CACNG2: variants seen among roughly 807,000 people sequenced by gnomAD.
The protein encoded by CACNG2 is calcium voltage-gated channel auxiliary subunit gamma 2, also known as voltage-dependent calcium channel gamma-2 subunit.
In CACNG2, 3 loss-of-function variants were observed where a neutral mutation model predicts 25.9. The ratio of observed to expected loss-of-function variants is 0.12; its 90% CI spans 0.05 to 0.30. CACNG2 has a LOEUF of 0.30. CACNG2 is among the 10% of genes least tolerant of loss of function. The pLI, the probability that CACNG2 is intolerant of heterozygous loss-of-function variation, is 1.00. For missense variants in CACNG2, 341 were observed against 432.5 expected, an observed-to-expected ratio of 0.79 and a Z score of 1.88; for synonymous variants, 167 against 173.3, an observed-to-expected ratio of 0.96 and a Z score of 0.29.
chr22:36,620,412 A>G (rs1254507596), intron 1 of CACNG2, among the ~76,000 whole-genome samples: 2 of 152,362 alleles, frequency 1.3e-5, no homozygotes, highest in African/African-American at 2.4e-5. Flanking sequence ...ATGTGTTCAC[A>G]TGGATGCATT....
At chr22:36,696,677 G>A (rs755325398) in intron 1 of CACNG2, among the ~76,000 whole-genome samples, 29 of 152,296 alleles carry the variant, frequency 1.9e-4, no homozygotes, top group East Asian at 5.8e-4. Context: ...AGGACAGAGC[G>A]TGCTACAAGG....
intron 1 of CACNG2, among the ~76,000 whole-genome samples, chr22:36,701,144 G>C (rs994215344): frequency 6.6e-6 from 1 of 152,052 alleles, no homozygotes; most frequent in South Asian, 2.1e-4. Context: ...CTTGCTTCCC[G>C]ACGCTGCCTC....
At chr22:36,646,169 T>C (rs1936521036) in intron 1 of CACNG2, among the ~76,000 whole-genome samples, 3 of 152,234 alleles carry the variant, frequency 2.0e-5, no homozygotes, top group African/African-American at 7.2e-5. Context: ...CTTTCCATGG[T>C]TATATATGTA....
chr22:36,582,414 T>C (rs1289439368), intron 2 of CACNG2, among the ~76,000 whole-genome samples: 3 of 151,448 alleles, frequency 2.0e-5, no homozygotes, highest in African/African-American at 7.3e-5. Flanking sequence ...TTCTTTCTTT[T>C]TTTTTTTTGA....
intron 2 of CACNG2, among the ~76,000 whole-genome samples, chr22:36,577,972 C>A (rs1935352792): frequency 6.6e-6 from 1 of 151,888 alleles, no homozygotes; most frequent in South Asian, 2.1e-4. Flanking sequence ...GGTGCAGTCC[C>A]AGAAAGTGTG....
intron 1 of CACNG2, among the ~76,000 whole-genome samples, chr22:36,647,839 C>T (rs1271592956): frequency 6.6e-6 from 1 of 151,712 alleles, no homozygotes; most frequent in Admixed American, 6.5e-5. Flanking sequence ...GTTTTTCCTT[C>T]ACAGTGCGTA....
At chr22:36,676,580 T>C (rs1417418933) in intron 1 of CACNG2, among the ~76,000 whole-genome samples, 2 of 152,200 alleles carry the variant, frequency 1.3e-5, no homozygotes, top group Non-Finnish European at 2.9e-5. Context: ...AGCCCAGGGC[T>C]TGGAACCTCA....
At chr22:36,653,713 G>A (rs919015416) in intron 1 of CACNG2, among the ~76,000 whole-genome samples, 2 of 152,068 alleles carry the variant, frequency 1.3e-5, no homozygotes, top group African/African-American at 4.8e-5. Flanking sequence ...TGGAATCTCT[G>A]GGAACCCTGG....
At chr22:36,700,975 T>C (rs926230696) in intron 1 of CACNG2, among the ~76,000 whole-genome samples, 3 of 152,092 alleles carry the variant, frequency 2.0e-5, no homozygotes, top group African/African-American at 4.8e-5. Flanking sequence ...CCAGATGTAA[T>C]CATTTCCGAA....
At chr22:36,698,304 G>A (rs920996175) in intron 1 of CACNG2, among the ~76,000 whole-genome samples, 7 of 151,920 alleles carry the variant, frequency 4.6e-5, no homozygotes, top group South Asian at 2.1e-4. Flanking sequence ...TTTCTTATGC[G>A]CTTCCTGTGT....
At chr22:36,686,063 C>A (rs1238631469) in intron 1 of CACNG2, among the ~76,000 whole-genome samples, 1 of 152,186 alleles carries the variant, frequency 6.6e-6, no homozygotes, top group East Asian at 1.9e-4. Context: ...CAGAGAAGCA[C>A]AAGGAAGTGT....
At chr22:36,683,067 G>T (rs951871876) in intron 1 of CACNG2, among the ~76,000 whole-genome samples, 1 of 152,310 alleles carries the variant, frequency 6.6e-6, no homozygotes, top group African/African-American at 2.4e-5. Flanking sequence ...GCCCTCCAAA[G>T]GGTAAGTGCA....
At chr22:36,670,232 T>A (rs1936929510) in intron 1 of CACNG2, among the ~76,000 whole-genome samples, 1 of 152,170 alleles carries the variant, frequency 6.6e-6, no homozygotes, top group African/African-American at 2.4e-5. Flanking sequence ...AGGGCAAATA[T>A]GAAAAGAGAA....
intron 2 of CACNG2, among the ~76,000 whole-genome samples, chr22:36,574,337 T>A (rs1239068647): frequency 6.6e-6 from 1 of 151,844 alleles, no homozygotes; most frequent in Non-Finnish European, 1.5e-5. Context: ...GTCTGAGAGA[T>A]GTTTAGGAGG....
chr22:36,618,169 T>C (rs1035464336), intron 1 of CACNG2, among the ~76,000 whole-genome samples: 4 of 152,190 alleles, frequency 2.6e-5, no homozygotes, highest in African/African-American at 9.7e-5. Context: ...CTTTGCTCCA[T>C]TGGGTTTTGG....
intron 1 of CACNG2, among the ~76,000 whole-genome samples, chr22:36,677,297 T>C (rs369123545): frequency 1.5e-4 from 23 of 152,168 alleles, no homozygotes; most frequent in African/African-American, 5.3e-4. Flanking sequence ...GAAAGTATAT[T>C]TATCCCCATC....
intron 1 of CACNG2, among the ~76,000 whole-genome samples, chr22:36,679,155 TTCCTTC>T (rs1937054737): frequency 1.1e-5 from 1 of 94,338 alleles, no homozygotes; most frequent in African/African-American, 4.5e-5. Flanking sequence ...CCTTCCTTCC[TTCCTTC>T]CTTCCTTCCT....
At chr22:36,692,105 G>A (rs1937273936) in intron 1 of CACNG2, among the ~76,000 whole-genome samples, 2 of 152,206 alleles carry the variant, frequency 1.3e-5, no homozygotes, top group Admixed American at 6.5e-5. Flanking sequence ...GTCAGCAGTG[G>A]CTGGTCTCCA....
intron 1 of CACNG2, among the ~76,000 whole-genome samples, chr22:36,638,129 A>G (rs188920617): frequency 6.6e-6 from 1 of 152,064 alleles, no homozygotes; most frequent in Admixed American, 6.5e-5. Flanking sequence ...TTGGTGGTCC[A>G]TTTCCTGCTT....
Sources: gnomAD v4.1 joint callset for allele counts (sites outside exome capture counted in the v4.1 genomes callset) on GRCh38, gnomAD v4.1.1 for gene constraint, MANE v1.5 for transcripts, NCBI Gene and HGNC (gene_info 2026-07-23, HGNC 2026-07-21) for gene names.